Variants in PCDH15 observed in about 807,000 individuals in gnomAD.
PCDH15 encodes protocadherin-15.
A neutral mutation model predicts 178.5 loss-of-function variants in PCDH15; 129 were observed. The ratio of observed to expected loss-of-function variants is 0.72; its 90% CI spans 0.63 to 0.84. The LOEUF is 0.84. Among genes scored for constraint, PCDH15 ranks in the 40% least tolerant of loss-of-function variants. The pLI is 0.00. For synonymous variants in PCDH15, 800 were observed against 732.0 expected (o/e 1.09, Z -1.50); for missense variants, 2,230 against 2,099.9 (o/e 1.06, Z -1.21).
chr10:54,233,019 C>G (rs2054241713), intron 9 of PCDH15, among the ~76,000 whole-genome samples: 1 of 150,798 alleles, frequency 6.6e-6, no homozygotes, highest in South Asian at 2.1e-4. Flanking sequence ...CACTGCAGCC[C>G]TGCAGCCTTG....
chr10:55,496,889 A>G (rs949303518), intron 2 of PCDH15, among the ~76,000 whole-genome samples: 1 of 151,842 alleles, frequency 6.6e-6, no homozygotes, highest in Non-Finnish European at 1.5e-5. Flanking sequence ...GGTAAATAAA[A>G]TTAAACAATA....
chr10:54,247,605 A>C (rs1397529202), intron 8 of PCDH15, among the ~76,000 whole-genome samples: 1 of 151,922 alleles, frequency 6.6e-6, no homozygotes, highest in Non-Finnish European at 1.5e-5. Context: ...AATCATATAC[A>C]CATATAGGGG....
intron 1 of PCDH15, among the ~76,000 whole-genome samples, chr10:54,780,097 T>A (rs1474574250): frequency 2.6e-5 from 4 of 152,136 alleles, no homozygotes; most frequent in Admixed American, 2.6e-4. Context: ...CGCAGAGAAG[T>A]TCTCAAATAA....
chr10:54,574,034 A>T (rs1321609857), intron 2 of PCDH15, among the ~76,000 whole-genome samples: 5 of 151,928 alleles, frequency 3.3e-5, no homozygotes, highest in African/African-American at 1.2e-4. Context: ...GTTTAATTAG[A>T]TCTCATTTGT....
intron 20 of PCDH15, among the ~76,000 whole-genome samples, chr10:54,001,445 T>G (rs1016304525): frequency 3.3e-5 from 5 of 151,768 alleles, no homozygotes; most frequent in African/African-American, 9.7e-5. Flanking sequence ...AGATGAAGTA[T>G]AGAGTTTTTA....
intron 9 of PCDH15, among the ~76,000 whole-genome samples, chr10:54,227,804 C>T (rs891999117): frequency 1.3e-5 from 2 of 152,194 alleles, no homozygotes; most frequent in Admixed American, 6.5e-5. Context: ...CCTCAATCAT[C>T]TCTCAAGTTC....
chr10:54,494,059 G>A (rs1261283605), intron 3 of PCDH15, among the ~76,000 whole-genome samples: 3 of 148,886 alleles, frequency 2.0e-5, no homozygotes, highest in African/African-American at 5.0e-5. Context: ...ACACAGGAAG[G>A]GGAACATCAC....
At chr10:55,485,647 T>C (rs1035298517) in intron 2 of PCDH15, among the ~76,000 whole-genome samples, 1 of 151,578 alleles carries the variant, frequency 6.6e-6, no homozygotes, top group Non-Finnish European at 1.5e-5. Context: ...CTGCTGTATA[T>C]ATATGCCAAG....
chr10:53,875,229 A>G (rs1227147945), intron 26 of PCDH15, among the ~76,000 whole-genome samples: 1 of 152,150 alleles, frequency 6.6e-6, no homozygotes, highest in Non-Finnish European at 1.5e-5. Context: ...ACTCACACCT[A>G]GAACCCACAT....
At chr10:53,918,713 A>C (rs993523879) in intron 25 of PCDH15, among the ~76,000 whole-genome samples, 4 of 146,970 alleles carry the variant, frequency 2.7e-5, no homozygotes, top group Non-Finnish European at 6.0e-5. Context: ...CAAATACACA[A>C]ACACACACAC....
chr10:55,128,579 G>A lies in PCDH15; in HGVS notation c.-80+37997C>T, dbSNP rs74136354. Among the ~76,000 whole-genome samples the A allele has an allele frequency of 3.1e-3, 468 of 151,830 alleles. 2 individuals carry two copies. Among genetic ancestry groups the A allele is most frequent in the Middle Eastern group, 0.01 (3 of 294 alleles). Reference sequence around the variant, plus strand: ...ACACATATTTCTATCAATTGTTACCGCACCTTAACCTGTTATTTTTCTTCC... The same window carrying A: ...ACACATATTTCTATCAATTGTTACCACACCTTAACCTGTTATTTTTCTTCC... On this transcript the variant is annotated intron_variant, in intron 2 of 5. Coordinates refer to the PCDH15 transcript ENST00000458638.
intron 3 of PCDH15, among the ~76,000 whole-genome samples, chr10:54,855,757 T>C (rs1953729874): frequency 6.6e-6 from 1 of 152,228 alleles, no homozygotes; most frequent in African/African-American, 2.4e-5. Context: ...AGAACATTAA[T>C]GTGAATTTTT....
rs148108086 is a variant in PCDH15 at position 55,325,248 on chromosome 10, A to T, written c.-155-158597T>A. ...TTAAAATTCATATGGAACCAAAAAA[A>T]GCTCAAATAGCTTGGGCAACCCTAA... On this transcript the variant is annotated intron_variant, in intron 2 of 5. Transcript: ENST00000613346. Among the ~76,000 whole-genome samples, 342 of 152,240 alleles carry T rather than the reference A, an allele frequency of 2.2e-3. 1 individual carries two copies. The highest frequency in any genetic ancestry group is 7.8e-3 in the African/African-American group (325 of 41,576).
At chr10:54,327,683 T>G (rs1331326612) in intron 7 of PCDH15, among the ~76,000 whole-genome samples, 2 of 151,984 alleles carry the variant, frequency 1.3e-5, no homozygotes, top group Non-Finnish European at 2.9e-5. Flanking sequence ...TCATGTTAAC[T>G]TCTTCAGAAC....
chr10:53,859,709 C>T (rs1324229219), intron 27 of PCDH15, among the ~76,000 whole-genome samples: 1 of 151,988 alleles, frequency 6.6e-6, no homozygotes, highest in Non-Finnish European at 1.5e-5. Context: ...AATTTTCTGC[C>T]AGGTCCTTAC....
chr10:54,820,970 G>A (rs921671482), intron 3 of PCDH15, among the ~76,000 whole-genome samples: 5 of 152,002 alleles, frequency 3.3e-5, no homozygotes, highest in Admixed American at 2.0e-4. Context: ...TACTTGCATG[G>A]AAAATGAAAC....
chr10:55,120,365 T>C (rs968271597), intron 2 of PCDH15, among the ~76,000 whole-genome samples: 5 of 152,140 alleles, frequency 3.3e-5, no homozygotes, highest in Admixed American at 1.3e-4. Flanking sequence ...GGTAATACCA[T>C]GTAGGCAGTT....
At chr10:55,495,151 T>G (rs1344241764) in intron 2 of PCDH15, among the ~76,000 whole-genome samples, 1 of 151,684 alleles carries the variant, frequency 6.6e-6, no homozygotes, top group Non-Finnish European at 1.5e-5. Flanking sequence ...ACAAAACTCT[T>G]ACAGGAAAAA....
intron 2 of PCDH15, among the ~76,000 whole-genome samples, chr10:55,613,745 A>C (rs777423727): frequency 7.9e-5 from 12 of 152,158 alleles, no homozygotes; most frequent in Non-Finnish European, 1.6e-4. Context: ...TCGTAGCTCA[A>C]AGCCAAATAG....
Sources: gnomAD v4.1 joint callset for allele counts (sites outside exome capture counted in the v4.1 genomes callset) on GRCh38, gnomAD v4.1.1 for gene constraint, MANE v1.5 for transcripts, NCBI Gene and HGNC (gene_info 2026-07-23, HGNC 2026-07-21) for gene names.